UBE2H: variants seen among roughly 807,000 people sequenced by gnomAD.
UBE2H encodes ubiquitin-conjugating enzyme E2 H.
A neutral mutation model predicts 29.0 loss-of-function variants in UBE2H; 3 were observed. That is an observed-to-expected ratio of 0.10 (90% CI 0.05 to 0.27). The LOEUF is 0.27. Ranked by LOEUF, UBE2H falls within the 10% of genes least tolerant of loss-of-function variation. The pLI is 1.00. For missense variants in UBE2H, 68 were observed against 228.2 expected (o/e 0.30, Z 4.52); for synonymous variants, 69 against 82.9 (o/e 0.83, Z 0.91).
intron 1 of UBE2H, among the ~76,000 whole-genome samples, chr7:129,930,909 CAAAAAA>C (rs71175050): frequency 2.9e-5 from 1 of 34,288 alleles, no homozygotes; most frequent in Non-Finnish European, 5.1e-5. Context: ...CCCCGTCTCA[CAAAAAA>C]AAAAAAAAAA....
At chr7:129,942,617 G>A (rs930266288) in intron 1 of UBE2H, among the ~76,000 whole-genome samples, 1 of 152,128 alleles carries the variant, frequency 6.6e-6, no homozygotes, top group Non-Finnish European at 1.5e-5. Flanking sequence ...GAAAATTGAA[G>A]ATATTATTCA....
chr7:129,902,216 T>C (rs183604142), intron 1 of UBE2H, among the ~76,000 whole-genome samples: 63 of 152,058 alleles, frequency 4.1e-4, no homozygotes, highest in Non-Finnish European at 6.9e-4. Flanking sequence ...AACCATTACA[T>C]GGCCGGGCAC....
chr7:129,944,953 A>AT (rs1193703605), intron 1 of UBE2H, among the ~76,000 whole-genome samples: 2 of 152,142 alleles, frequency 1.3e-5, no homozygotes, highest in Non-Finnish European at 2.9e-5. Flanking sequence ...CTACTCAGCA[A>AT]TAAAAAAAAA....
At chr7:129,899,754 G>A (rs1031042842) in intron 1 of UBE2H, among the ~76,000 whole-genome samples, 9 of 152,112 alleles carry the variant, frequency 5.9e-5, no homozygotes, top group African/African-American at 2.2e-4. Flanking sequence ...AGTCTGATAC[G>A]GCATCACTTA....
At chr7:129,912,497 G>A (rs1248178412) in intron 1 of UBE2H, among the ~76,000 whole-genome samples, 2 of 152,052 alleles carry the variant, frequency 1.3e-5, no homozygotes, top group Non-Finnish European at 2.9e-5. Flanking sequence ...ATTACATCAT[G>A]AGCCACCACA....
chr7:129,936,190 T>C (rs1241403028), intron 1 of UBE2H, among the ~76,000 whole-genome samples: 1 of 152,256 alleles, frequency 6.6e-6, no homozygotes, highest in African/African-American at 2.4e-5. Flanking sequence ...GAAATAAAAC[T>C]GCCAGAACTG....
intron 1 of UBE2H, among the ~76,000 whole-genome samples, chr7:129,928,735 A>AAGTATAATGTGTACTTCT (rs1359218497): frequency 6.6e-6 from 1 of 152,238 alleles, no homozygotes; most frequent in African/African-American, 2.4e-5. Context: ...TTACACATTG[A>AAGTATAATGTGTACTTCT]ATACATCTAT....
chr7:129,934,924 T>G (rs1270156855), intron 1 of UBE2H, among the ~76,000 whole-genome samples: 5 of 67,370 alleles, frequency 7.4e-5, no homozygotes, highest in African/African-American at 2.3e-4. Context: ...TGTGTGTATA[T>G]ATATGTGTAT....
In UBE2H at chr7:129,859,851, G is replaced by A. The variant is rs140629757; in HGVS notation, c.206-910C>T. On this transcript the variant is annotated intron_variant, in intron 3 of 6. Transcript: ENST00000355621. ...GGTGAGTATCACCACCACTATCTCCGACCCCCATCCTCCATCACCCCCATC... is the reference window on the plus strand; with the variant it reads ...GGTGAGTATCACCACCACTATCTCCAACCCCCATCCTCCATCACCCCCATC... 1.1e-3 allele frequency among the ~76,000 whole-genome samples: 172 copies of A among 151,720 alleles called. 1 individual carries two copies. Among genetic ancestry groups the A allele is most frequent in the African/African-American group, 3.3e-3 (138 of 41,334 alleles).
chr7:129,896,251 C>T (rs1316804321), intron 1 of UBE2H, among the ~76,000 whole-genome samples: 2 of 151,624 alleles, frequency 1.3e-5, no homozygotes, highest in East Asian at 2.0e-4. Flanking sequence ...GCAGGAGAAT[C>T]GCTTGAATCT....
chr7:129,938,086 C>G (rs1460179230), intron 1 of UBE2H, among the ~76,000 whole-genome samples: 1 of 152,034 alleles, frequency 6.6e-6, no homozygotes, highest in African/African-American at 2.4e-5. Context: ...TCTTTTCCCT[C>G]CTGTTTTCAT....
intron 3 of UBE2H, 86 bp downstream of exon 3, chr7:129,879,482 G>T: frequency 8.0e-7 from 1 of 1,256,290 alleles, no homozygotes; most frequent in Non-Finnish European, 1.1e-6. Context: ...AGCCATTTCT[G>T]GCATTAATTA....
At chr7:129,912,053 T>C (rs918140168) in intron 1 of UBE2H, among the ~76,000 whole-genome samples, 3 of 152,100 alleles carry the variant, frequency 2.0e-5, no homozygotes, top group Non-Finnish European at 4.4e-5. Context: ...AGGACCAAGG[T>C]AGGCCTTTAT....
intron 1 of UBE2H, among the ~76,000 whole-genome samples, chr7:129,906,208 CTTTCT>C (rs1806812854): frequency 7.0e-6 from 1 of 142,414 alleles, no homozygotes. Flanking sequence ...ATTTTTTTTT[CTTTCT>C]TTTTTTTTTT....
intron 1 of UBE2H, among the ~76,000 whole-genome samples, chr7:129,888,470 T>C (rs891752002): frequency 9.9e-5 from 15 of 151,310 alleles, no homozygotes; most frequent in African/African-American, 1.5e-4. Flanking sequence ...CTGGGCAACA[T>C]AGCAAGACCC....
At chr7:129,889,716 T>G (rs1806435185) in intron 1 of UBE2H, among the ~76,000 whole-genome samples, 1 of 152,154 alleles carries the variant, frequency 6.6e-6, no homozygotes, top group African/African-American at 2.4e-5. Flanking sequence ...GTGTAGTGGT[T>G]CATACCTATT....
At chr7:129,912,036 G>A (rs1806947635) in intron 1 of UBE2H, among the ~76,000 whole-genome samples, 1 of 152,172 alleles carries the variant, frequency 6.6e-6, no homozygotes, top group African/African-American at 2.4e-5. Context: ...TGTACACAGA[G>A]AGATGCAGGA....
At chr7:129,839,589 T>A (rs1261764824) in intron 5 of UBE2H, 6 of 378,900 alleles carry the variant, frequency 1.6e-5, no homozygotes, top group Admixed American at 9.7e-5. Context: ...CCAATTCTAT[T>A]TCACTCTATT....
At chr7:129,845,771 G>A (rs568705362) in intron 5 of UBE2H, among the ~76,000 whole-genome samples, 1 of 152,316 alleles carries the variant, frequency 6.6e-6, no homozygotes, top group East Asian at 1.9e-4. Context: ...CTAATCTCAG[G>A]CTTTCCACTG....
Sources: gnomAD v4.1 joint callset for allele counts (sites outside exome capture counted in the v4.1 genomes callset) on GRCh38, gnomAD v4.1.1 for gene constraint, MANE v1.5 for transcripts, NCBI Gene and HGNC (gene_info 2026-07-23, HGNC 2026-07-21) for gene names.